DDX19B: variants seen among roughly 807,000 people sequenced by gnomAD.
The protein encoded by DDX19B is ATP-dependent RNA helicase DDX19B.
Under a neutral mutation model 58.1 loss-of-function variants are expected in DDX19B, and 27 were observed. The ratio of observed to expected loss-of-function variants is 0.46; its 90% CI spans 0.34 to 0.64. The LOEUF (loss-of-function observed/expected upper bound fraction) is 0.64. Among genes scored for constraint, DDX19B ranks in the 30% least tolerant of loss-of-function variants. The pLI, the probability that DDX19B is intolerant of heterozygous loss-of-function variation, is 0.01. For missense variants in DDX19B, 399 were observed against 596.5 expected, an observed-to-expected ratio of 0.67 and a Z score of 3.45; for synonymous variants, 187 against 214.4, an observed-to-expected ratio of 0.87 and a Z score of 1.12.
chr16:70,294,431 A>G (rs1961146082), upstream of DDX19B, among the ~76,000 whole-genome samples: 1 of 152,060 alleles, frequency 6.6e-6, no homozygotes, highest in Non-Finnish European at 1.5e-5. Flanking sequence ...CTGCTGAGAG[A>G]TTATACTTGG....
upstream of DDX19B, chr16:70,295,125 A>G: frequency 8.4e-7 from 1 of 1,193,250 alleles, no homozygotes; most frequent in East Asian, 3.2e-5. Flanking sequence ...CGTGGGAATA[A>G]ATGCAGGAGG....
chr16:70,325,390 G>A (rs939022853), intron 6 of DDX19B, among the ~76,000 whole-genome samples, 184 bp from the exon 7 acceptor site: 1 of 152,186 alleles, frequency 6.6e-6, no homozygotes, highest in Non-Finnish European at 1.5e-5. Flanking sequence ...TACCCAGCCA[G>A]AGTTCTGACC....
intron 1 of DDX19B, among the ~76,000 whole-genome samples, chr16:70,311,352 T>C (rs1299621113): frequency 6.6e-6 from 1 of 151,896 alleles, no homozygotes; most frequent in African/African-American, 2.4e-5. Context: ...TACACTCCAG[T>C]CCAGGTGACA....
chr16:70,314,189 G>A (rs992838728), intron 2 of DDX19B, among the ~76,000 whole-genome samples: 5 of 151,990 alleles, frequency 3.3e-5, no homozygotes, highest in South Asian at 2.1e-4. Flanking sequence ...AATTTTAATG[G>A]CATTATTGTG....
intron 1 of DDX19B, among the ~76,000 whole-genome samples, chr16:70,312,059 C>G (rs1162651917): frequency 6.6e-6 from 1 of 152,104 alleles, no homozygotes; most frequent in Non-Finnish European, 1.5e-5. Flanking sequence ...CCAGGATGGT[C>G]TCGATCTCTT....
At chr16:70,315,846 C>T (rs188647481) in intron 3 of DDX19B, 123 bp from the exon 4 acceptor site, 49 of 1,303,530 alleles carry the variant, frequency 3.8e-5, no homozygotes, top group African/African-American at 3.2e-4. Context: ...AAAACTATGA[C>T]GTACCTTGAA....
chr16:70,307,498 G>A (rs886654812), intron 1 of DDX19B, among the ~76,000 whole-genome samples: 13 of 152,044 alleles, frequency 8.6e-5, no homozygotes, highest in Middle Eastern at 3.4e-3. Context: ...AAGTAGGTGG[G>A]ATTACAAGCA....
At chr16:70,327,984 T>A (rs1963265116) in intron 7 of DDX19B, among the ~76,000 whole-genome samples, 1 of 151,964 alleles carries the variant, frequency 6.6e-6, no homozygotes, top group African/African-American at 2.4e-5. Flanking sequence ...AAACCCAGTC[T>A]CTACTAAAAA....
In DDX19B at chr16:70,324,545, G is replaced by T. The variant is rs199887683; in HGVS notation, c.390-40G>T. 4 of 1,569,288 alleles carry T rather than the reference G, an allele frequency of 2.5e-6. No homozygotes were observed. In the African/African-American group the frequency reaches 5.4e-5, roughly 21 times the overall value. ...TTTTTTAAACTTTGTTAACTAAAAG[G>T]TTGAGATTTAAGCTCCTAACTAGTT... On this transcript the variant is annotated intron_variant, in intron 5 of 11. Coordinates refer to ENST00000288071, the MANE Select transcript of DDX19B (RefSeq NM_007242.7).
Position 70,328,354 on chromosome 16 carries a change from T to A in DDX19B, c.608-938T>A, listed in dbSNP as rs957243366. Among the ~76,000 whole-genome samples, 13 of 151,254 alleles carry A rather than the reference T, an allele frequency of 8.6e-5. No homozygotes were observed. In the Admixed American group the frequency reaches 8.6e-4, roughly 10 times the overall value. On this transcript the variant is annotated intron_variant, in intron 7 of 11. Coordinates refer to ENST00000288071, the MANE Select transcript of DDX19B (RefSeq NM_007242.7). ...TATTCGAATTAGAAGGGTAGAGAAT[T>A]CTGAATTTTTTTTTTTTTTTTTTTT...
chr16:70,314,619 G>A (rs1359113334), intron 2 of DDX19B, among the ~76,000 whole-genome samples: 7 of 151,974 alleles, frequency 4.6e-5, no homozygotes, highest in Non-Finnish European at 2.9e-5. Flanking sequence ...AGTTGAGATC[G>A]CACCACTGCA....
chr16:70,291,077 G>T (rs935127911), upstream of DDX19B, among the ~76,000 whole-genome samples: 1 of 152,164 alleles, frequency 6.6e-6, no homozygotes, highest in Non-Finnish European at 1.5e-5. Flanking sequence ...TAAATCATTT[G>T]ATTTACTTTC....
Position 70,335,133 on chromosome 16 carries a change from T to C in DDX19B, c.*1551T>C, listed in dbSNP as rs1384463002. On this transcript the variant is annotated 3_prime_UTR_variant, in exon 12 of 12. Transcript: ENST00000288071. ...TCTACCACATTCCCCTGGTGGGTAC[T>C]CGACTATGTAGTTTTCTCTATGCTT... The C allele has an allele frequency of 1.3e-5, 2 of 152,220 alleles. No individual in the cohort carries two copies. The highest frequency in any genetic ancestry group is 2.9e-5 in the Non-Finnish European group (2 of 68,050). 9.4% of individuals were successfully genotyped at this position (152,220 alleles called of 1,614,324 possible). A position where few individuals can be genotyped will look rare whatever the true frequency, so the allele number is the denominator to read the frequency against.
At chr16:70,295,407 G>A (rs1961182339), upstream of DDX19B, among the ~76,000 whole-genome samples, 1 of 152,042 alleles carries the variant, frequency 6.6e-6, no homozygotes. Context: ...AGGAGTAGCT[G>A]GGACTACAGG....
chr16:70,310,457 C>T (rs541999831), intron 1 of DDX19B, among the ~76,000 whole-genome samples: 113 of 152,142 alleles, frequency 7.4e-4, no homozygotes, highest in Non-Finnish European at 1.3e-3. Flanking sequence ...AGGAGGATTG[C>T]CTGAGCCTTA....
chr16:70,303,811 G>A (rs1002330375), intron 1 of DDX19B, among the ~76,000 whole-genome samples: 3 of 152,096 alleles, frequency 2.0e-5, no homozygotes, highest in East Asian at 1.9e-4. Context: ...CGCCCACCTC[G>A]GCCTCCCAAA....
At chr16:70,299,106 G>T (rs1961338327), upstream of DDX19B, 1 of 1,328,714 alleles carries the variant, frequency 7.5e-7, no homozygotes, top group East Asian at 3.0e-5. Context: ...GAGGGCAACA[G>T]AATCGACAGC....
rs1315476532 is a variant in DDX19B at position 70,312,633 on chromosome 16, G to C, written c.82G>C (p.Glu28Gln). The C allele has an allele frequency of 6.2e-7, 1 of 1,613,066 alleles. No individual in the cohort carries two copies. Among genetic ancestry groups the C allele is most frequent in the Non-Finnish European group, 8.5e-7 (1 of 1,179,408 alleles). ...ESLSNLHLKE[E>Q]KIKPDTNGAV... ...GTTGAGCAACTTGCATCTTAAGGAA[G>C]AGAAAATCAAACCAGATACCAATGG... Residue 28 changes from glutamate to glutamine, a missense_variant, in exon 2 of 12, where the codon GAG becomes CAG. Physicochemically the swap from Glu to Gln is conservative, Grantham distance 29 (BLOSUM62 2). Transcript: ENST00000288071.
chr16:70,299,711 T>A (rs2152182395), intron 1 of DDX19B, among the ~76,000 whole-genome samples: 1 of 152,168 alleles, frequency 6.6e-6, no homozygotes, highest in East Asian at 1.9e-4. Flanking sequence ...CAAGCTATCT[T>A]CCTGCCTCGG....
Sources: allele counts gnomAD v4.1 joint callset (sites outside exome capture counted in the v4.1 genomes callset), GRCh38; gene constraint gnomAD v4.1.1; transcripts MANE v1.5; gene names NCBI Gene and HGNC (gene_info 2026-07-23, HGNC 2026-07-21).